Variants in POU6F2 observed in about 807,000 individuals in gnomAD.
POU6F2 encodes POU class 6 homeobox 2, also known as POU domain, class 6, transcription factor 2.
Under a neutral mutation model 71.3 loss-of-function variants are expected in POU6F2, and 31 were observed. The observed-to-expected ratio is 0.43, with a 90% CI of 0.33 to 0.59. POU6F2 has a LOEUF of 0.59. Among genes scored for constraint, POU6F2 ranks in the 20% least tolerant of loss-of-function variants. The pLI is 0.04. For missense variants in POU6F2, 783 were observed against 856.8 expected (o/e 0.91, Z 1.07); for synonymous variants, 347 against 355.7 (o/e 0.98, Z 0.27).
chr7:39,086,092 C>T (rs1360791315), intron 2 of POU6F2, 61 bp downstream of exon 2: 3 of 1,462,330 alleles, frequency 2.1e-6, no homozygotes, highest in East Asian at 2.4e-5. Flanking sequence ...GCAATCCAAC[C>T]CCCCCAACCC....
chr7:39,420,352 CAT>C (rs1420012010), intron 6 of POU6F2, among the ~76,000 whole-genome samples: 1 of 152,132 alleles, frequency 6.6e-6, no homozygotes, highest in Non-Finnish European at 1.5e-5. Context: ...AAGGAAATGA[CAT>C]AGTGTGCTAC....
intron 4 of POU6F2, among the ~76,000 whole-genome samples, chr7:39,269,637 T>C (rs950601221): frequency 6.6e-6 from 1 of 152,222 alleles, no homozygotes; most frequent in African/African-American, 2.4e-5. Flanking sequence ...CCCAGGTGCC[T>C]CTTTTTTAGA....
At chr7:39,461,531 T>G (rs1788949978) in intron 9 of POU6F2, among the ~76,000 whole-genome samples, 1 of 152,186 alleles carries the variant, frequency 6.6e-6, no homozygotes, top group Non-Finnish European at 1.5e-5. Flanking sequence ...AGAAACCAAC[T>G]CTAAACTCAT....
At chr7:39,023,762 G>A (rs1789733549) in intron 1 of POU6F2, among the ~76,000 whole-genome samples, 1 of 152,012 alleles carries the variant, frequency 6.6e-6, no homozygotes, top group African/African-American at 2.4e-5. Context: ...CTATGATACA[G>A]GTTCCATTTT....
intron 2 of POU6F2, among the ~76,000 whole-genome samples, chr7:39,102,422 C>T (rs574399696): frequency 2.9e-4 from 44 of 152,180 alleles, no homozygotes; most frequent in African/African-American, 1.1e-3. Context: ...ATTTGTCTGC[C>T]TCCTTGCTGG....
At chr7:39,361,570 G>C (rs1418712011) in intron 5 of POU6F2, among the ~76,000 whole-genome samples, 1 of 152,190 alleles carries the variant, frequency 6.6e-6, no homozygotes, top group East Asian at 1.9e-4. Flanking sequence ...TAGCCTTCAG[G>C]CTTGCTGCTG....
intron 2 of POU6F2, among the ~76,000 whole-genome samples, chr7:39,102,192 A>T (rs1791588130): frequency 6.6e-6 from 1 of 152,158 alleles, no homozygotes; most frequent in Non-Finnish European, 1.5e-5. Context: ...GCTTATAATG[A>T]ATTTATTGAG....
rs1390401926 is a variant in POU6F2, at chr7:39,274,974, C to T, written c.599-64668C>T. 6.2e-3 allele frequency among the ~76,000 whole-genome samples: 942 copies of T among 151,574 alleles called. 4 individuals carry two copies. The highest frequency in any genetic ancestry group is 9.7e-3 in the Non-Finnish European group (656 of 67,778). ...GAATAGGCAAAAACTGGAAGCATTC[C>T]CTTTGAAAACTGGCACAAGACAGGG... is the stretch of plus-strand genomic sequence containing the variant. On this transcript the variant is annotated intron_variant, in intron 4 of 9. Coordinates refer to ENST00000518318, the MANE Select transcript of POU6F2 (RefSeq NM_001370959.1).
chr7:38,985,439 A>G (rs939862156), intron 1 of POU6F2, among the ~76,000 whole-genome samples: 5 of 152,120 alleles, frequency 3.3e-5, no homozygotes, highest in African/African-American at 4.8e-5. Context: ...TTAAAAAAAA[A>G]TCCAGAATGT....
In POU6F2 at chr7:39,230,849, C is replaced by G. The variant is rs368315771; in HGVS notation, c.598+23229C>G. 2.0e-4 allele frequency among the ~76,000 whole-genome samples: 30 copies of G among 152,264 alleles called. No homozygotes were observed. The East Asian group carries it at 3.5e-3, about 18-fold the overall frequency. ...AATTTTAATTAGAATACAAGCCCCC[C>G]CAATGCATCCCAAATAGATTTGTGT... On this transcript the variant is annotated intron_variant, in intron 4 of 9. Transcript: ENST00000518318.
intron 5 of POU6F2, among the ~76,000 whole-genome samples, chr7:39,366,640 T>C (rs1786507919): frequency 6.6e-6 from 1 of 152,070 alleles, no homozygotes; most frequent in African/African-American, 2.4e-5. Flanking sequence ...CCACCACCTA[T>C]GAGGTCTTTA....
intron 4 of POU6F2, among the ~76,000 whole-genome samples, chr7:39,279,421 T>A (rs1230836275): frequency 6.6e-6 from 1 of 152,170 alleles, no homozygotes; most frequent in Non-Finnish European, 1.5e-5. Context: ...AATAACATCA[T>A]CCCATGGGGT....
chr7:39,078,349 T>C (rs1341977430), intron 1 of POU6F2, among the ~76,000 whole-genome samples: 2 of 152,160 alleles, frequency 1.3e-5, no homozygotes, highest in Non-Finnish European at 2.9e-5. Context: ...ACCATTAATA[T>C]TCTCTGCTTG....
At chr7:39,337,661 G>T (rs551325183) in intron 4 of POU6F2, among the ~76,000 whole-genome samples, 5 of 152,222 alleles carry the variant, frequency 3.3e-5, no homozygotes, top group Non-Finnish European at 7.4e-5. Context: ...TCATTTTCAT[G>T]TTAGTGTGTA....
At chr7:39,355,533 A>T (rs1270039280) in intron 5 of POU6F2, among the ~76,000 whole-genome samples, 3 of 152,258 alleles carry the variant, frequency 2.0e-5, no homozygotes, top group Admixed American at 6.5e-5. Context: ...GTAGACAGAG[A>T]TGGGATTTCT....
intron 4 of POU6F2, among the ~76,000 whole-genome samples, chr7:39,213,687 A>G (rs1055336037): frequency 6.6e-6 from 1 of 152,194 alleles, no homozygotes; most frequent in African/African-American, 2.4e-5. Flanking sequence ...AGGTTCATCC[A>G]TGTTGTCGTG....
rs74613599 is a variant in POU6F2 at position 39,446,188 on chromosome 7, C to T, written c.1321-5345C>T. On this transcript the variant is annotated intron_variant, in intron 7 of 9. Coordinates refer to ENST00000518318, the MANE Select transcript of POU6F2 (RefSeq NM_001370959.1). ...CCCTTCCCACATACTCTGGCTTCTG[C>T]GAGACCCCTCTGGGTTGTATTCATT... 4.3e-3 allele frequency among the ~76,000 whole-genome samples: 651 copies of T among 152,332 alleles called. 8 individuals carry two copies. Among genetic ancestry groups the T allele is most frequent in the African/African-American group, 0.015 (608 of 41,566 alleles).
intron 6 of POU6F2, among the ~76,000 whole-genome samples, chr7:39,426,633 C>T (rs1787979899): frequency 6.6e-6 from 1 of 152,064 alleles, no homozygotes; most frequent in African/African-American, 2.4e-5. Flanking sequence ...CTCTCTCCTC[C>T]CTCCTCAGCT....
At chr7:39,087,146 TAA>T (rs1562700842) in intron 2 of POU6F2, among the ~76,000 whole-genome samples, 242 of 59,070 alleles carry the variant, frequency 4.1e-3, no homozygotes, top group Middle Eastern at 0.037. Context: ...CAGGCTTTAT[TAA>T]TTAATTAATT....
Sources: gnomAD v4.1 joint callset for allele counts (sites outside exome capture counted in the v4.1 genomes callset) on GRCh38, gnomAD v4.1.1 for gene constraint, MANE v1.5 for transcripts, NCBI Gene and HGNC (gene_info 2026-07-23, HGNC 2026-07-21) for gene names.